PLD1: variants seen among roughly 807,000 people sequenced by gnomAD.
PLD1 encodes the protein phospholipase D1, also known as choline phosphatase 1.
Under a neutral mutation model 137.1 loss-of-function variants are expected in PLD1, and 112 were observed. The observed-to-expected ratio is 0.82, with a 90% CI of 0.70 to 0.96. The LOEUF (loss-of-function observed/expected upper bound fraction) is 0.96. Among genes scored for constraint, PLD1 ranks in the 40% least tolerant of loss-of-function variants. PLD1 has a pLI of 0.00. For missense variants in PLD1, 1,321 were observed against 1,342.0 expected, an observed-to-expected ratio of 0.98 and a Z score of 0.24; for synonymous variants, 431 against 454.7, an observed-to-expected ratio of 0.95 and a Z score of 0.66.
At chr3:171,629,884 A>T (rs1282786778) in intron 23 of PLD1, among the ~76,000 whole-genome samples, 1 of 151,950 alleles carries the variant, frequency 6.6e-6, no homozygotes, top group Admixed American at 6.6e-5. Flanking sequence ...AAAGACTTAA[A>T]CGTTAGACCT....
chr3:171,695,659 C>G (rs73879808), intron 12 of PLD1, among the ~76,000 whole-genome samples: 3,394 of 152,208 alleles, frequency 0.022, 130 homozygotes, highest in African/African-American at 0.079. Context: ...AACTTTTCCT[C>G]CGATTGCTCA....
At chr3:171,688,307 T>C (rs1267632994) in intron 14 of PLD1, among the ~76,000 whole-genome samples, 1 of 152,244 alleles carries the variant, frequency 6.6e-6, no homozygotes, top group Non-Finnish European at 1.5e-5. Flanking sequence ...CTGTGGCAGA[T>C]ACTTAAGGCT....
chr3:171,683,930 C>T (rs1195585448), intron 16 of PLD1, among the ~76,000 whole-genome samples: 4 of 152,156 alleles, frequency 2.6e-5, no homozygotes. Flanking sequence ...AAGAGATGAA[C>T]CATTTGTTAC....
intron 1 of PLD1, among the ~76,000 whole-genome samples, chr3:171,777,076 T>TA (rs544499159): frequency 1.1e-4 from 17 of 148,472 alleles, no homozygotes; most frequent in Admixed American, 2.0e-4. Context: ...AACTTCTGCT[T>TA]AAAAAAAAAA....
intron 1 of PLD1, among the ~76,000 whole-genome samples, chr3:171,772,284 A>G (rs1722399114): frequency 6.6e-6 from 1 of 152,224 alleles, no homozygotes; most frequent in Non-Finnish European, 1.5e-5. Flanking sequence ...CACAATAACC[A>G]AGGTTTTTGA....
chr3:171,699,282 G>GA (rs1390366398), intron 12 of PLD1, among the ~76,000 whole-genome samples: 4 of 152,050 alleles, frequency 2.6e-5, no homozygotes, highest in African/African-American at 9.7e-5. Flanking sequence ...CAAAACCAGA[G>GA]AAAAAACACC....
At chr3:171,784,487 A>G (rs1722915122) in intron 1 of PLD1, among the ~76,000 whole-genome samples, 1 of 152,180 alleles carries the variant, frequency 6.6e-6, no homozygotes, top group Non-Finnish European at 1.5e-5. Flanking sequence ...AAAAAAGTCC[A>G]GATTCCCTAG....
chr3:171,689,094 A>G (rs1274572928), intron 13 of PLD1, among the ~76,000 whole-genome samples: 1 of 152,056 alleles, frequency 6.6e-6, no homozygotes, highest in Admixed American at 6.6e-5. Flanking sequence ...CCACGCCCAT[A>G]TACTATATTT....
chr3:171,766,727 T>G (rs1722001666), intron 1 of PLD1, among the ~76,000 whole-genome samples: 2 of 152,328 alleles, frequency 1.3e-5, no homozygotes, highest in South Asian at 4.1e-4. Context: ...TTAAATCTAT[T>G]GACTTTTTCC....
intron 1 of PLD1, among the ~76,000 whole-genome samples, chr3:171,738,322 A>C (rs1719535817): frequency 6.6e-6 from 1 of 152,138 alleles, no homozygotes; most frequent in Non-Finnish European, 1.5e-5. Flanking sequence ...AAGAAAAAAA[A>C]AAGCAACACC....
chr3:171,752,984 C>G (rs1326813535), intron 1 of PLD1, among the ~76,000 whole-genome samples: 1 of 152,180 alleles, frequency 6.6e-6, no homozygotes, highest in Admixed American at 6.5e-5. Context: ...AGCATACAGA[C>G]AAAGGATTGA....
At chr3:171,711,568 T>C (rs1717233780) in intron 9 of PLD1, among the ~76,000 whole-genome samples, 1 of 152,084 alleles carries the variant, frequency 6.6e-6, no homozygotes. Context: ...TATTAACAAA[T>C]GGACATGAGT....
chr3:171,751,368 A>G (rs925389519), intron 1 of PLD1, among the ~76,000 whole-genome samples: 3 of 152,130 alleles, frequency 2.0e-5, no homozygotes, highest in Admixed American at 1.3e-4. Flanking sequence ...AAATGGGAAA[A>G]TTACACACAC....
In PLD1 at chr3:171,641,910, C is replaced by T. The variant is rs981251673; in HGVS notation, c.2593+930G>A. 3.9e-5 allele frequency among the ~76,000 whole-genome samples: 6 copies of T among 152,254 alleles called. No homozygotes were observed. The South Asian group carries it at 1.2e-3, about 32-fold the overall frequency. On this transcript the variant is annotated intron_variant, in intron 23 of 26. Transcript: ENST00000351298. ...TCTTGCCTTCTGGATAAAACCTAGC[C>T]TTCTTAGTGTGGCTGTCCACGTTTT...
intron 21 of PLD1, among the ~76,000 whole-genome samples, chr3:171,655,129 T>TTTCC (rs1430506747): frequency 6.6e-6 from 1 of 152,212 alleles, no homozygotes; most frequent in Non-Finnish European, 1.5e-5. Flanking sequence ...CGGACTGTCA[T>TTTCC]TTCCCTCCAT....
intron 1 of PLD1, among the ~76,000 whole-genome samples, chr3:171,742,109 G>A (rs887651828): frequency 6.6e-6 from 1 of 152,224 alleles, no homozygotes; most frequent in Non-Finnish European, 1.5e-5. Context: ...GGGAAGTGAT[G>A]AAGCTGGTGA....
At chr3:171,728,179 G>A (rs938199570) in intron 6 of PLD1, among the ~76,000 whole-genome samples, 1 of 152,122 alleles carries the variant, frequency 6.6e-6, no homozygotes, top group Non-Finnish European at 1.5e-5. Context: ...GTGTGGTGGT[G>A]CATGCCCGTA....
chr3:171,708,889 G>A, intron 10 of PLD1, 51 bp from the exon 11 acceptor site: 1 of 1,192,224 alleles, frequency 8.4e-7, no homozygotes, highest in Non-Finnish European at 1.2e-6. Flanking sequence ...GAAAAGAAAA[G>A]AAACTTATCT....
chr3:171,722,988 T>A (rs1718243022), intron 8 of PLD1, among the ~76,000 whole-genome samples: 1 of 152,186 alleles, frequency 6.6e-6, no homozygotes, highest in Admixed American at 6.5e-5. Context: ...TCAAGCATTA[T>A]CCTTTATGTT....
Sources: gnomAD v4.1 joint callset for allele counts (sites outside exome capture counted in the v4.1 genomes callset) on GRCh38, gnomAD v4.1.1 for gene constraint, MANE v1.5 for transcripts, NCBI Gene and HGNC (gene_info 2026-07-23, HGNC 2026-07-21) for gene names.